Variants in SHANK2 observed in about 807,000 individuals in gnomAD.
SHANK2 encodes SH3 and multiple ankyrin repeat domains 2.
Under a neutral mutation model 133.7 loss-of-function variants are expected in SHANK2, and 43 were observed. The observed-to-expected ratio is 0.32, with a 90% CI of 0.25 to 0.41. The LOEUF is 0.41. Ranked by LOEUF, SHANK2 falls within the 10% of genes least tolerant of loss-of-function variation. The pLI is 1.00. For synonymous variants in SHANK2, 1,017 were observed against 952.8 expected (o/e 1.07, Z -1.24); for missense variants, 1,994 against 2,235.8 (o/e 0.89, Z 2.18).
At chr11:70,595,568 T>C (rs1470478414) in intron 17 of SHANK2, among the ~76,000 whole-genome samples, 1 of 152,126 alleles carries the variant, frequency 6.6e-6, no homozygotes, top group Non-Finnish European at 1.5e-5. Flanking sequence ...CTACAGCCCC[T>C]GTCACAGGAG....
rs782172048 is a variant in SHANK2 at position 70,866,962 on chromosome 11, G to A, written c.1174+29539C>T. On this transcript the variant is annotated intron_variant, in intron 11 of 25. Transcript: ENST00000601538. ...CACCAGCCTCTGCCTTCACTCCCTC[G>A]CTGTGGCTCTCACCCCAGCAGACAA... 3.3e-4 allele frequency among the ~76,000 whole-genome samples: 50 copies of A among 152,062 alleles called. No individual in the cohort carries two copies. In the Middle Eastern group the frequency reaches 0.01, roughly 31 times the overall value.
intron 1 of SHANK2, among the ~76,000 whole-genome samples, chr11:71,230,065 A>T (rs1174311563): frequency 1.3e-5 from 2 of 152,202 alleles, no homozygotes; most frequent in Non-Finnish European, 2.9e-5. Context: ...AGGCAGATGG[A>T]TCACTTGAGG....
At chr11:70,489,284 G>T in intron 24 of SHANK2, 44 bp downstream of exon 24, 1 of 1,584,740 alleles carries the variant, frequency 6.3e-7, no homozygotes, top group Non-Finnish European at 8.7e-7. Context: ...AAGTAAACTG[G>T]GTTACATTCA....
chr11:70,599,743 G>GATTGTGC (rs2060453770), intron 17 of SHANK2, among the ~76,000 whole-genome samples: 1 of 150,226 alleles, frequency 6.7e-6, no homozygotes, highest in Admixed American at 6.7e-5. Flanking sequence ...AGTGAGTTGA[G>GATTGTGC]ATTGTGCCAT....
At chr11:70,771,030 T>C (rs1947239224) in intron 14 of SHANK2, among the ~76,000 whole-genome samples, 1 of 142,560 alleles carries the variant, frequency 7.0e-6, no homozygotes, top group African/African-American at 2.6e-5. Flanking sequence ...GCTCAAGCGA[T>C]ACACCCACCT....
At chr11:70,888,712 G>C (rs1165149065) in intron 11 of SHANK2, among the ~76,000 whole-genome samples, 1 of 152,118 alleles carries the variant, frequency 6.6e-6, no homozygotes, top group African/African-American at 2.4e-5. Flanking sequence ...AGCTACTCGG[G>C]AGGCTGAGGC....
At chr11:70,805,794 C>G (rs557821289) in intron 13 of SHANK2, among the ~76,000 whole-genome samples, 1 of 152,160 alleles carries the variant, frequency 6.6e-6, no homozygotes, top group South Asian at 2.1e-4. Context: ...TTATAAAACT[C>G]AAAAGACGGA....
intron 6 of SHANK2, among the ~76,000 whole-genome samples, chr11:71,098,131 A>ACATGCCTGTGTGCATG (rs1230177480): frequency 3.8e-4 from 52 of 135,578 alleles, no homozygotes; most frequent in Non-Finnish European, 6.3e-4. Context: ...ATGTATGTGT[A>ACATGCCTGTGTGCATG]CATGCCTGTG....
chr11:70,787,030 CATCATCACCAAG>C (rs1775603111), intron 14 of SHANK2, among the ~76,000 whole-genome samples: 1 of 151,484 alleles, frequency 6.6e-6, no homozygotes, highest in South Asian at 2.1e-4. Context: ...CCAGCATCAC[CATCATCACCAAG>C]ATCACCACCA....
chr11:71,194,034 G>A (rs1040920478), intron 2 of SHANK2, among the ~76,000 whole-genome samples: 1 of 152,204 alleles, frequency 6.6e-6, no homozygotes, highest in African/African-American at 2.4e-5. Flanking sequence ...CAGTGCTGCT[G>A]GCGGGAAGGG....
At chr11:70,715,826 G>A (rs1399150325) in intron 14 of SHANK2, among the ~76,000 whole-genome samples, 1 of 152,198 alleles carries the variant, frequency 6.6e-6, no homozygotes, top group Non-Finnish European at 1.5e-5. Flanking sequence ...TGACCCACAT[G>A]CCCCTGGACC....
At chr11:70,495,775 TG>T in intron 21 of SHANK2, 1 of 195,440 alleles carries the variant, frequency 5.1e-6, no homozygotes, top group Non-Finnish European at 1.1e-5. Flanking sequence ...GAAGAGCAGC[TG>T]GAGCCCAACA....
At chr11:70,953,167 G>A (rs1418275534) in intron 10 of SHANK2, among the ~76,000 whole-genome samples, 1 of 152,084 alleles carries the variant, frequency 6.6e-6, no homozygotes, top group Non-Finnish European at 1.5e-5. Context: ...CCAGTGTGGT[G>A]GTGTTGGGAG....
chr11:70,758,188 G>A (rs781824882), intron 14 of SHANK2, among the ~76,000 whole-genome samples: 33 of 152,204 alleles, frequency 2.2e-4, no homozygotes, highest in Non-Finnish European at 3.8e-4. Context: ...GACAATGATC[G>A]GGATGTAAAC....
At chr11:71,205,953 G>A (rs767844668) in intron 2 of SHANK2, among the ~76,000 whole-genome samples, 2 of 152,070 alleles carry the variant, frequency 1.3e-5, no homozygotes, top group Non-Finnish European at 2.9e-5. Context: ...GGGGACCTCT[G>A]GGGAGAAAAG....
At chr11:70,475,013 AGG>A (rs1419744356) in intron 25 of SHANK2, 1 of 152,494 alleles carries the variant, frequency 6.6e-6, no homozygotes, top group Non-Finnish European at 1.5e-5. Context: ...CATGGGCAAG[AGG>A]GGGAGAGCTG....
intron 8 of SHANK2, among the ~76,000 whole-genome samples, chr11:71,083,304 A>C (rs1296315881): frequency 6.6e-6 from 1 of 152,108 alleles, no homozygotes; most frequent in Non-Finnish European, 1.5e-5. Context: ...AATGATGACA[A>C]TGAGGATGAT....
At chr11:71,090,929 G>C (rs1951507361) in intron 8 of SHANK2, among the ~76,000 whole-genome samples, 1 of 151,968 alleles carries the variant, frequency 6.6e-6, no homozygotes, top group Non-Finnish European at 1.5e-5. Context: ...TCATTGGATG[G>C]GGCCCACCCA....
chr11:71,085,490 A>ATATAT (rs1951366866), intron 8 of SHANK2, among the ~76,000 whole-genome samples: 1 of 120,822 alleles, frequency 8.3e-6, no homozygotes, highest in African/African-American at 3.3e-5. Flanking sequence ...TATGTTATAT[A>ATATAT]ATATATAATA....
Sources: allele counts gnomAD v4.1 joint callset (sites outside exome capture counted in the v4.1 genomes callset), GRCh38; gene constraint gnomAD v4.1.1; transcripts MANE v1.5; gene names NCBI Gene and HGNC (gene_info 2026-07-23, HGNC 2026-07-21).